The following MEGF8 variants were observed in gnomAD, a reference collection of about 807,000 sequenced individuals.
The protein encoded by MEGF8 is multiple EGF like domains 8, also known as multiple epidermal growth factor-like domains protein 8.
A neutral mutation model predicts 302.9 loss-of-function variants in MEGF8; 156 were observed. The observed-to-expected ratio is 0.52, with a 90% CI of 0.45 to 0.59. MEGF8 has a LOEUF of 0.59. Ranked by LOEUF, MEGF8 falls within the 20% of genes least tolerant of loss-of-function variation. The probability of loss-of-function intolerance (pLI) is 0.00; values close to 1 mark genes in which losing one functional copy is unlikely to be tolerated. For missense variants in MEGF8, 3,345 were observed against 3,964.5 expected, an observed-to-expected ratio of 0.84 and a Z score of 4.20; for synonymous variants, 1,621 against 1,660.5, an observed-to-expected ratio of 0.98 and a Z score of 0.58.
At chr19:42,342,461 A>G (rs1025575884) in intron 8 of MEGF8, among the ~76,000 whole-genome samples, 1 of 151,734 alleles carries the variant, frequency 6.6e-6, no homozygotes, top group African/African-American at 2.4e-5. Context: ...ACACAGTAAA[A>G]CCCCGTTTTT....
Position 42,356,200 on chromosome 19 carries a change from TGTGGGTACCCGCTGTCTAGGGATG to T in MEGF8, c.4503+10_4503+33del. The stretch of plus-strand genomic sequence containing the variant: ...GGACAGCCGCCTCTCAGCCGTGAGT[TGTGGGTACCCGCTGTCTAGGGATG>T]GTTGCTCCCAGGTCGTTCTCCCACC... On this transcript the variant is annotated splice_region_variant and intron_variant, in intron 25 of 41. Coordinates refer to ENST00000251268, the MANE Select transcript of MEGF8 (RefSeq NM_001271938.2). This position sits in a 1 kb window ranked among gnomAD's most constrained non-coding sequence, Gnocchi z 5.2. The T allele has an allele frequency of 1.3e-6, 2 of 1,519,542 alleles. No homozygotes were observed. The highest frequency in any genetic ancestry group is 1.8e-6 in the Non-Finnish European group (2 of 1,128,986). 94.1% of individuals were successfully genotyped at this position (1,519,542 alleles called of 1,614,324 possible).
In MEGF8 at chr19:42,352,591, G is replaced by C. The variant is rs2039392489; in HGVS notation, c.3350+135G>C. The C allele has an allele frequency of 2.6e-6, 3 of 1,163,822 alleles. No homozygotes were observed. Among genetic ancestry groups the C allele is most frequent in the Middle Eastern group, 2.9e-4 (1 of 3,430 alleles). The allele number at this position is 1,163,822 out of a possible 1,614,324, so 72.1% of individuals were successfully genotyped here. On this transcript the variant is annotated intron_variant, in intron 19 of 41. Coordinates refer to ENST00000251268, the MANE Select transcript of MEGF8 (RefSeq NM_001271938.2). This position sits in a 1 kb window ranked among gnomAD's most constrained non-coding sequence, Gnocchi z 4.4. ...CCAGTTAGCCAGGGGTTTTTACCTT[G>C]CACACTAGGTCCTTATTAGAGTGAC...
rs762411505 is a variant in MEGF8 at position 42,334,199 on chromosome 19, G to A, written c.544G>A (p.Gly182Ser). 6 of 1,600,766 alleles carry A rather than the reference G, an allele frequency of 3.7e-6. No individual in the cohort carries two copies. Among genetic ancestry groups the A allele is most frequent in the Non-Finnish European group, 5.1e-6 (6 of 1,172,928 alleles). Residue 182 changes from glycine to serine, a missense_variant, in exon 3 of 42, where the codon GGC becomes AGC. By Grantham distance (56) the Gly-to-Ser change is moderately conservative. Coordinates refer to ENST00000251268, the MANE Select transcript of MEGF8 (RefSeq NM_001271938.2). Reference protein sequence around the residue: ...QECSAYCGSHGTCASPLGPCR... With the variant: ...QECSAYCGSHSTCASPLGPCR... Reference sequence around the variant, plus strand: ...GTGCTCAGCCTACTGTGGCAGCCACGGCACCTGCGCCTCGGTGAGCCGGTC... The same window carrying A: ...GTGCTCAGCCTACTGTGGCAGCCACAGCACCTGCGCCTCGGTGAGCCGGTC...
At chr19:42,326,985 G>A (rs2038993023) in intron 1 of MEGF8, among the ~76,000 whole-genome samples, 2 of 152,120 alleles carry the variant, frequency 1.3e-5, no homozygotes, top group African/African-American at 2.4e-5. Flanking sequence ...GATTGTAGGT[G>A]TGAGCCACTG....
chr19:42,360,249 C>T (rs1365488219), intron 31 of MEGF8, among the ~76,000 whole-genome samples: 1 of 150,736 alleles, frequency 6.6e-6, no homozygotes, highest in Non-Finnish European at 1.5e-5. Flanking sequence ...CTTCTTATTT[C>T]CCTCTTTGTG....
chr19:42,352,883 C>G lies in MEGF8; in HGVS notation c.3351-45C>G. Reference sequence around the variant, plus strand: ...GAGATGATGGGGTGCTTTAGGGGCTCTGGGCCTGCCTGGCGCTTTCCCCAC... The same window carrying G: ...GAGATGATGGGGTGCTTTAGGGGCTGTGGGCCTGCCTGGCGCTTTCCCCAC... On this transcript the variant is annotated intron_variant, in intron 19 of 41. Coordinates refer to ENST00000251268, the MANE Select transcript of MEGF8 (RefSeq NM_001271938.2). The surrounding 1 kb of genome is among the most constrained non-coding windows in gnomAD (Gnocchi z 4.4). 1 of 1,409,226 alleles carries G rather than the reference C, an allele frequency of 7.1e-7. No individual in the cohort carries two copies. Among genetic ancestry groups the G allele is most frequent in the Non-Finnish European group, 9.8e-7 (1 of 1,020,280 alleles). 87.3% of individuals were successfully genotyped at this position (1,409,226 alleles called of 1,614,324 possible).
chr19:42,356,026 GTC>G lies in MEGF8; in HGVS notation c.4392+23_4392+24del, dbSNP rs776856535. The stretch of plus-strand genomic sequence containing the variant: ...ACCAGGTACAGGTGGGAGAGGGCAA[GTC>G]TGGTGGGACAGGGCTGGTGATCAGG... On this transcript the variant is annotated intron_variant, in intron 24 of 41. Transcript: ENST00000251268. The surrounding 1 kb of genome is among the most constrained non-coding windows in gnomAD (Gnocchi z 5.2). 10 of 1,606,668 alleles carry G rather than the reference GTC, an allele frequency of 6.2e-6. No homozygotes were observed. In the African/African-American group the frequency reaches 1.2e-4, roughly 19 times the overall value.
chr19:42,351,850 C>G lies in MEGF8; in HGVS notation c.3101+89C>G. The stretch of plus-strand genomic sequence containing the variant: ...CTAATGGCCTCTTTGCTTCTCTGCC[C>G]TCTTGCCCATCCCATGGCCACCTTC... On this transcript the variant is annotated intron_variant, in intron 18 of 41. Transcript: ENST00000251268. The surrounding 1 kb of genome is among the most constrained non-coding windows in gnomAD (Gnocchi z 5.6). 1 of 1,131,154 alleles carries G rather than the reference C, an allele frequency of 8.8e-7. No individual in the cohort carries two copies. The highest frequency in any genetic ancestry group is 1.3e-6 in the Non-Finnish European group (1 of 774,822). 70.1% of individuals were successfully genotyped at this position (1,131,154 alleles called of 1,614,324 possible).
At position 42,343,714 on chromosome 19, in the gene MEGF8, G is replaced by T. The variant is rs116535985; in HGVS notation, c.1668+83G>T. 1,654 of 1,460,200 alleles carry T rather than the reference G, an allele frequency of 1.1e-3. 15 individuals carry two copies. The African/African-American group carries it at 0.02, about 18-fold the overall frequency. The allele number at this position is 1,460,200 out of a possible 1,614,324, so 90.5% of individuals were successfully genotyped here. On this transcript the variant is annotated intron_variant, in intron 9 of 41. Transcript: ENST00000251268. ...ACAGGTGAGGGGAAAGGCAGGAGGGGATCCCTGGGAGAAGGAGTGGGGATC... is the reference window on the plus strand; with the variant it reads ...ACAGGTGAGGGGAAAGGCAGGAGGGTATCCCTGGGAGAAGGAGTGGGGATC...
Position 42,337,183 on chromosome 19 carries a change from T to C in MEGF8, c.1490T>C (p.Leu497Pro). The C allele has an allele frequency of 6.2e-7, 1 of 1,613,906 alleles. No homozygotes were observed. Among genetic ancestry groups the C allele is most frequent in the Non-Finnish European group, 8.5e-7 (1 of 1,179,876 alleles). Residue 497 changes from leucine (L) to proline (P), a missense_variant, in exon 8 of 42, where the codon CTT becomes CCT. Transcript: ENST00000251268. ...CATCAATGGGTGTCAGGAGCTGAGC[T>C]TGCCCCGCCAGGAACCCCTGAGGGT... The part of the protein sequence containing the change: ...GCHQWVSGAE[L>P]APPGTPEGRA...
At chr19:42,349,752 C>A in intron 14 of MEGF8, 53 bp downstream of exon 14, 2 of 1,562,814 alleles carry the variant, frequency 1.3e-6, no homozygotes, top group South Asian at 1.1e-5. Context: ...AGCCTCAGAT[C>A]ACCTGGGCTT....
chr19:42,356,032 T>C lies in MEGF8; in HGVS notation c.4392+27T>C. Reference sequence around the variant, plus strand: ...TACAGGTGGGAGAGGGCAAGTCTGGTGGGACAGGGCTGGTGATCAGGGCTC... The same window carrying C: ...TACAGGTGGGAGAGGGCAAGTCTGGCGGGACAGGGCTGGTGATCAGGGCTC... On this transcript the variant is annotated intron_variant, in intron 24 of 41. Transcript: ENST00000251268. This position sits in a 1 kb window ranked among gnomAD's most constrained non-coding sequence, Gnocchi z 5.2. 6.2e-7 allele frequency: 1 copy of C among 1,605,604 alleles called. No individual in the cohort carries two copies. The highest frequency in any genetic ancestry group is 8.5e-7 in the Non-Finnish European group (1 of 1,173,956).
In MEGF8 at chr19:42,344,292, G is replaced by A. The variant is rs28711448; in HGVS notation, c.1789-149G>A. The A allele has an allele frequency of 8.8e-3, 5,760 of 654,152 alleles. 194 individuals are homozygous for A. The African/African-American group carries it at 0.11, about 12-fold the overall frequency. 40.5% of individuals were successfully genotyped at this position (654,152 alleles called of 1,614,324 possible). On this transcript the variant is annotated intron_variant, in intron 10 of 41. Coordinates refer to ENST00000251268, the MANE Select transcript of MEGF8 (RefSeq NM_001271938.2). The surrounding 1 kb of genome is among the most constrained non-coding windows in gnomAD (Gnocchi z 4.5). ...CCGTGACCCCATCCCCGCATCCCCC[G>A]TCCTCTGGATCTCCCACATTCCAAG...
chr19:42,338,484 C>A (rs1198754155), intron 8 of MEGF8, among the ~76,000 whole-genome samples: 1 of 152,066 alleles, frequency 6.6e-6, no homozygotes, highest in Non-Finnish European at 1.5e-5. Flanking sequence ...TCAGGTGATC[C>A]GCCCACCTCG....
rs549201416 is a variant in MEGF8 at position 42,353,132 on chromosome 19, G to A, written c.3550+5G>A. On this transcript the variant is annotated splice_donor_5th_base_variant and intron_variant, in intron 20 of 41. Coordinates refer to ENST00000251268, the MANE Select transcript of MEGF8 (RefSeq NM_001271938.2). The surrounding 1 kb of genome is among the most constrained non-coding windows in gnomAD (Gnocchi z 6.1). ...GCTTCTGCGACGAGTGCCAGGGTAA[G>A]CAGCCCTTGTCCTGGGCCCAGCCTG... The A allele has an allele frequency of 6.5e-7, 1 of 1,541,932 alleles. No individual in the cohort carries two copies. Among genetic ancestry groups the A allele is most frequent in the Non-Finnish European group, 8.7e-7 (1 of 1,143,908 alleles).
chr19:42,328,567 A>AGTGTGTGTGTGTGTGTGTGTGTGTGT (rs113567438), intron 1 of MEGF8, among the ~76,000 whole-genome samples: 3,643 of 146,506 alleles, frequency 0.025, 100 homozygotes, highest in African/African-American at 0.05. Context: ...CAGAATAGGA[A>AGTGTGTGTGTGTGTGTGTGTGTGTGT]GTGTGTGTGT....
rs147028471 is a variant in MEGF8, at chr19:42,336,781, C to T, written c.1245-26C>T. 19 of 1,559,422 alleles carry T rather than the reference C, an allele frequency of 1.2e-5. No homozygotes were observed. The East Asian group carries it at 4.1e-4, about 33-fold the overall frequency. ...GGAGAGAGACGCTTCCTGCCCTGAG[C>T]CCCTGCCCTGCTTCTCCTTCGGTAG... On this transcript the variant is annotated intron_variant, in intron 6 of 41. Transcript: ENST00000251268. The surrounding 1 kb of genome is among the most constrained non-coding windows in gnomAD (Gnocchi z 4.8).
chr19:42,367,508 T>C (rs2147504911), intron 35 of MEGF8, among the ~76,000 whole-genome samples: 1 of 152,290 alleles, frequency 6.6e-6, no homozygotes, highest in African/African-American at 2.4e-5. Flanking sequence ...CAGGATGGTG[T>C]TGGTCTCCTG....
chr19:42,370,843 C>CGG lies in MEGF8; in HGVS notation c.7136+40_7136+41dup, dbSNP rs748624378. 4.5e-5 allele frequency: 6 copies of CGG among 132,422 alleles called. 1 individual carries two copies. Among genetic ancestry groups the CGG allele is most frequent in the South Asian group, 1.4e-4 (2 of 14,586 alleles). 8.2% of individuals were successfully genotyped at this position (132,422 alleles called of 1,614,324 possible). On this transcript the variant is annotated intron_variant, in intron 40 of 41. Coordinates refer to ENST00000251268, the MANE Select transcript of MEGF8 (RefSeq NM_001271938.2). ...GGGAAGTGCACCAAGTAAGAGGAAC[C>CGG]GGGGGGGGGGGGGGGGGGGGGGGGG... is the stretch of plus-strand genomic sequence containing the variant.
Sources: gnomAD v4.1 joint callset for allele counts (sites outside exome capture counted in the v4.1 genomes callset) on GRCh38, gnomAD v4.1.1 for gene constraint, Gnocchi (gnomAD v3.1) non-coding constraint, MANE v1.5 for transcripts, NCBI Gene and HGNC (gene_info 2026-07-23, HGNC 2026-07-21) for gene names.